The following MTSS1 variants were observed in gnomAD, a reference collection of about 807,000 sequenced individuals.
MTSS1 encodes the protein protein MTSS 1.
In MTSS1, 18 loss-of-function variants were observed where a neutral mutation model predicts 79.0. The observed-to-expected ratio is 0.23, with a 90% CI of 0.16 to 0.34. MTSS1 has a LOEUF of 0.34. Ranked by LOEUF, MTSS1 falls within the 10% of genes least tolerant of loss-of-function variation. The pLI is 1.00. For synonymous variants in MTSS1, 341 were observed against 368.6 expected (o/e 0.93, Z 0.86); for missense variants, 815 against 986.2 (o/e 0.83, Z 2.33).
At chr8:124,609,489 T>C (rs1188945259) in intron 3 of MTSS1, among the ~76,000 whole-genome samples, 1 of 152,198 alleles carries the variant, frequency 6.6e-6, no homozygotes, top group African/African-American at 2.4e-5. Context: ...TCAGAGTGAC[T>C]TGGTATAAAA....
At chr8:124,656,440 A>G (rs192447993) in intron 3 of MTSS1, among the ~76,000 whole-genome samples, 2 of 152,080 alleles carry the variant, frequency 1.3e-5, no homozygotes, top group African/African-American at 4.8e-5. Context: ...AATTGCTACC[A>G]AAAGGACAAT....
chr8:124,564,434 C>G (rs1380313811), intron 9 of MTSS1, among the ~76,000 whole-genome samples: 2 of 152,060 alleles, frequency 1.3e-5, no homozygotes, highest in African/African-American at 4.8e-5. Flanking sequence ...GGGGAGCGTG[C>G]TGGAGGAAAT....
chr8:124,610,464 C>T (rs1018515035), intron 3 of MTSS1, among the ~76,000 whole-genome samples: 12 of 152,180 alleles, frequency 7.9e-5, no homozygotes, highest in African/African-American at 1.7e-4. Context: ...TAAAGAAGGG[C>T]GGGGAACCTA....
At chr8:124,554,462 G>A (rs1823146715) in intron 13 of MTSS1, among the ~76,000 whole-genome samples, 1 of 152,030 alleles carries the variant, frequency 6.6e-6, no homozygotes, top group Non-Finnish European at 1.5e-5. Context: ...TGTCCCCTGG[G>A]GAATAAAATC....
chr8:124,603,398 T>G (rs1225819661), intron 3 of MTSS1, among the ~76,000 whole-genome samples: 2 of 152,232 alleles, frequency 1.3e-5, no homozygotes, highest in African/African-American at 2.4e-5. Context: ...TGCTGCTGTT[T>G]CTCTTGTTCA....
chr8:124,720,451 T>C (rs975139869), intron 1 of MTSS1, among the ~76,000 whole-genome samples: 3 of 152,168 alleles, frequency 2.0e-5, no homozygotes, highest in Non-Finnish European at 4.4e-5. Flanking sequence ...AGGATGTAGA[T>C]GGGAAAAGAT....
intron 4 of MTSS1, among the ~76,000 whole-genome samples, 155 bp from the exon 5 acceptor site, chr8:124,589,866 C>A (rs1024348492): frequency 1.3e-5 from 2 of 152,156 alleles, no homozygotes; most frequent in Admixed American, 1.3e-4. Flanking sequence ...TCCAAGAATG[C>A]TTTTCTTTTA....
chr8:124,573,404 C>A (rs1468766047), intron 6 of MTSS1, among the ~76,000 whole-genome samples: 1 of 152,260 alleles, frequency 6.6e-6, no homozygotes, highest in East Asian at 1.9e-4. Flanking sequence ...TTATTCACAG[C>A]ACTACCCCCG....
At chr8:124,565,913 C>A in intron 8 of MTSS1, 154 bp from the exon 9 acceptor site, 4 of 553,696 alleles carry the variant, frequency 7.2e-6, no homozygotes, top group Admixed American at 3.2e-5. Flanking sequence ...AATTGAAGAG[C>A]CACAGTACCA....
At chr8:124,686,637 C>T (rs980319184) in intron 3 of MTSS1, among the ~76,000 whole-genome samples, 3 of 152,314 alleles carry the variant, frequency 2.0e-5, no homozygotes, top group South Asian at 4.2e-4. Flanking sequence ...TGATTCTCAA[C>T]CAGGGCTGAT....
chr8:124,583,211 A>T (rs1038802121), intron 6 of MTSS1, among the ~76,000 whole-genome samples: 2 of 152,108 alleles, frequency 1.3e-5, no homozygotes, highest in African/African-American at 4.8e-5. Flanking sequence ...CCCTGATCCC[A>T]ACCTCCATTC....
At chr8:124,624,765 C>T (rs919079675) in intron 3 of MTSS1, among the ~76,000 whole-genome samples, 3 of 152,144 alleles carry the variant, frequency 2.0e-5, no homozygotes, top group East Asian at 1.9e-4. Context: ...GCTGGAAATG[C>T]GAAACTGAAG....
At chr8:124,698,403 A>G (rs1296861480) in intron 3 of MTSS1, among the ~76,000 whole-genome samples, 1 of 152,218 alleles carries the variant, frequency 6.6e-6, no homozygotes, top group African/African-American at 2.4e-5. Flanking sequence ...AGGCAAAGTA[A>G]GAGGCAGAAG....
chr8:124,666,199 C>T (rs919311902), intron 3 of MTSS1, among the ~76,000 whole-genome samples: 2 of 152,186 alleles, frequency 1.3e-5, no homozygotes, highest in Non-Finnish European at 2.9e-5. Context: ...TAGCACAGCC[C>T]CAGGACAAGC....
chr8:124,653,982 T>C (rs1336002592), intron 3 of MTSS1, among the ~76,000 whole-genome samples: 1 of 152,200 alleles, frequency 6.6e-6, no homozygotes, highest in African/African-American at 2.4e-5. Context: ...AAAGGCCTCC[T>C]TCCTATCACA....
At chr8:124,586,654 G>A (rs984231069) in intron 5 of MTSS1, among the ~76,000 whole-genome samples, 2 of 152,184 alleles carry the variant, frequency 1.3e-5, no homozygotes, top group African/African-American at 2.4e-5. Context: ...AGGCTGAATC[G>A]AAAAGATGAA....
At chr8:124,577,617 AG>A (rs1224918331) in intron 6 of MTSS1, 1 of 518,986 alleles carries the variant, frequency 1.9e-6, no homozygotes, top group South Asian at 1.4e-5. Flanking sequence ...AATAGGTCTA[AG>A]GGTAAAATTC....
rs56964029 is a variant in MTSS1, at chr8:124,634,704, C to CA, written c.209-43470dup. 1.5e-3 allele frequency among the ~76,000 whole-genome samples: 217 copies of CA among 146,460 alleles called. 2 individuals carry two copies. Among genetic ancestry groups the CA allele is most frequent in the South Asian group, 8.4e-3 (39 of 4,640 alleles). On this transcript the variant is annotated intron_variant, in intron 3 of 13. Coordinates refer to ENST00000518547, the MANE Select transcript of MTSS1 (RefSeq NM_014751.6). ...TAAATATTTTTCCCTCTTGTAGCTT[C>CA]AAAAAAAAAAAATGCTAGCAAATGC...
intron 3 of MTSS1, among the ~76,000 whole-genome samples, chr8:124,607,580 C>T (rs1295951575): frequency 6.6e-6 from 1 of 152,188 alleles, no homozygotes; most frequent in Non-Finnish European, 1.5e-5. Context: ...GGAGAGAAAG[C>T]AGCACCGTGA....
Sources: gnomAD v4.1 joint callset for allele counts (sites outside exome capture counted in the v4.1 genomes callset) on GRCh38, gnomAD v4.1.1 for gene constraint, MANE v1.5 for transcripts, NCBI Gene and HGNC (gene_info 2026-07-23, HGNC 2026-07-21) for gene names.